Variants in BLTP3A observed in about 807,000 individuals in gnomAD.
The protein encoded by BLTP3A is bridge-like lipid transfer protein family member 3A, also known as ICBP90 binding protein 1.
the BLTP3A span, chr6:34,875,219 T>A: frequency 7.9e-5 from 12 of 152,712 alleles, no homozygotes; most frequent in Non-Finnish European, 1.2e-4. Context: ...CTTGGTAATA[T>A]ACAACTGAGA....
chr6:34,838,638 C>G, the BLTP3A span, among the ~76,000 whole-genome samples: 131 of 152,270 alleles, frequency 8.6e-4, 1 homozygote, highest in African/African-American at 2.6e-3. Context: ...CCTCAGTTAT[C>G]CCAAGTGTTA....
At chr6:34,861,001 C>A in the BLTP3A span, among the ~76,000 whole-genome samples, 1 of 152,174 alleles carries the variant, frequency 6.6e-6, no homozygotes, top group Non-Finnish European at 1.5e-5. Flanking sequence ...ATATTTGTAA[C>A]CCCACCCAGT....
the BLTP3A span, among the ~76,000 whole-genome samples, chr6:34,806,560 A>G: frequency 6.6e-6 from 1 of 152,194 alleles, no homozygotes; most frequent in African/African-American, 2.4e-5. Flanking sequence ...CGACAGCCTT[A>G]CTGTATGAAT....
chr6:34,817,119 A>G, the BLTP3A span, among the ~76,000 whole-genome samples: 1 of 152,290 alleles, frequency 6.6e-6, no homozygotes, highest in South Asian at 2.1e-4. Flanking sequence ...AGGGGCATGC[A>G]CTGTCTTCCT....
chr6:34,824,543 A>T, the BLTP3A span, among the ~76,000 whole-genome samples: 3 of 144,664 alleles, frequency 2.1e-5, no homozygotes, highest in African/African-American at 8.1e-5. Context: ...GGGCAACAAG[A>T]ATGAAACTCC....
the BLTP3A span, chr6:34,792,126 T>TGGCTGCGGCGGCGGCGGCGGC: frequency 1.4e-6 from 1 of 698,934 alleles, no homozygotes; most frequent in Non-Finnish European, 2.1e-6. Context: ...GAAAGCGCCA[T>TGGCTGCGGCGGCGGCGGCGGC]GGCGGCGGCG....
chr6:34,866,005 C>T, the BLTP3A span, among the ~76,000 whole-genome samples: 1 of 151,984 alleles, frequency 6.6e-6, no homozygotes. Context: ...AAGGTGAAAC[C>T]TAATTCTCAA....
At chr6:34,836,121 T>C in the BLTP3A span, 5 of 1,601,934 alleles carry the variant, frequency 3.1e-6, no homozygotes, top group Non-Finnish European at 4.3e-6. Context: ...CTTTTCAGGG[T>C]CTGGACTTCC....
At chr6:34,792,126 TGGC>T in the BLTP3A span, 436 of 708,534 alleles carry the variant, frequency 6.2e-4, no homozygotes, top group South Asian at 3.2e-3. Flanking sequence ...GAAAGCGCCA[TGGC>T]GGCGGCGGCG....
chr6:34,806,531 A>G, the BLTP3A span, among the ~76,000 whole-genome samples: 1 of 152,322 alleles, frequency 6.6e-6, no homozygotes, highest in South Asian at 2.1e-4. Flanking sequence ...AGTTAGGGTC[A>G]GTTCTGCTCA....
At chr6:34,853,790 G>A in the BLTP3A span, among the ~76,000 whole-genome samples, 1 of 151,818 alleles carries the variant, frequency 6.6e-6, no homozygotes, top group Non-Finnish European at 1.5e-5. Flanking sequence ...TCGAACTCCT[G>A]ACCTCAAGTG....
the BLTP3A span, among the ~76,000 whole-genome samples, chr6:34,845,027 C>CA: frequency 1.3e-5 from 2 of 152,124 alleles, no homozygotes; most frequent in Non-Finnish European, 2.9e-5. Flanking sequence ...ATTTGATTTT[C>CA]ATATATGGCA....
At chr6:34,811,379 T>G in the BLTP3A span, among the ~76,000 whole-genome samples, 4 of 152,108 alleles carry the variant, frequency 2.6e-5, no homozygotes, top group Non-Finnish European at 5.9e-5. Context: ...GCTGCAGTAT[T>G]AAAGACAGTG....
chr6:34,858,660 C>T, the BLTP3A span: 3 of 1,614,116 alleles, frequency 1.9e-6, no homozygotes, highest in Middle Eastern at 1.6e-4. Context: ...TTGCCCCTGA[C>T]TCTATGTCCC....
the BLTP3A span, chr6:34,857,885 T>C: frequency 0.14 from 228,742 of 1,613,712 alleles, 17,853 homozygotes; most frequent in African/African-American, 0.26. Context: ...AGATGAACAC[T>C]TGGACATCCG....
chr6:34,855,918 G>C, the BLTP3A span: 3 of 985,162 alleles, frequency 3.0e-6, no homozygotes, highest in South Asian at 1.4e-4. Flanking sequence ...AAGTGAGTAG[G>C]GGAGATATCT....
At chr6:34,805,171 G>A in the BLTP3A span, among the ~76,000 whole-genome samples, 1 of 151,980 alleles carries the variant, frequency 6.6e-6, no homozygotes, top group Non-Finnish European at 1.5e-5. Context: ...GCACACACCT[G>A]TAGTCCCAGC....
the BLTP3A span, among the ~76,000 whole-genome samples, chr6:34,849,868 T>A: frequency 1.3e-5 from 2 of 152,140 alleles, no homozygotes; most frequent in Non-Finnish European, 2.9e-5. Context: ...TCCTGCGCAG[T>A]GGCTCATGCC....
chr6:34,855,575 T>G, the BLTP3A span: 2 of 1,608,494 alleles, frequency 1.2e-6, no homozygotes, highest in Non-Finnish European at 1.7e-6. Flanking sequence ...TTTGGCTTCT[T>G]TGTTCCTTCC....
Sources: allele counts gnomAD v4.1 joint callset (sites outside exome capture counted in the v4.1 genomes callset), GRCh38; gene constraint gnomAD v4.1.1; transcripts MANE v1.5; gene names NCBI Gene and HGNC (gene_info 2026-07-23, HGNC 2026-07-21).